The following WDFY4 variants were observed in gnomAD, a reference collection of about 807,000 sequenced individuals.
The protein encoded by WDFY4 is WDFY family member 4, also known as WD repeat- and FYVE domain-containing protein 4.
Under a neutral mutation model 351.9 loss-of-function variants are expected in WDFY4, and 169 were observed. The ratio of observed to expected loss-of-function variants is 0.48; its 90% confidence interval spans 0.42 to 0.55. The LOEUF (loss-of-function observed/expected upper bound fraction) is 0.55, where lower values mean the gene tolerates loss of function less well. Ranked by LOEUF, WDFY4 falls within the 20% of genes least tolerant of loss-of-function variation. The pLI is 0.00. For synonymous variants in WDFY4, 1,622 were observed against 1,574.6 expected, an observed-to-expected ratio of 1.03 and a Z score of -0.71; for missense variants, 3,803 against 3,935.6, an observed-to-expected ratio of 0.97 and a Z score of 0.90.
rs1175509669 is a variant in WDFY4 at position 48,966,686 on chromosome 10, C to T, written c.8584+13C>T. On this transcript the variant is annotated intron_variant, in intron 55 of 61. Coordinates refer to ENST00000325239, the MANE Select transcript of WDFY4 (RefSeq NM_001394531.1). Reference sequence around the variant, plus strand: ...GTCACGGTCAAAGGTGATTCCCTGGCCATGCATTGTTTGGTGTCCTGTCCC... The same window carrying T: ...GTCACGGTCAAAGGTGATTCCCTGGTCATGCATTGTTTGGTGTCCTGTCCC... 2 of 1,550,056 alleles carry T rather than the reference C, an allele frequency of 1.3e-6. No homozygotes were observed. The highest frequency in any genetic ancestry group is 2.4e-5 in the East Asian group (1 of 40,886).
At chr10:48,921,567 G>T (rs1392742153) in intron 47 of WDFY4, among the ~76,000 whole-genome samples, 2 of 150,798 alleles carry the variant, frequency 1.3e-5, no homozygotes, top group Admixed American at 1.3e-4. Context: ...ATTTACAAAA[G>T]ATAGTATTAA....
At chr10:48,809,345 A>T (rs1461511173) in intron 28 of WDFY4, among the ~76,000 whole-genome samples, 1 of 148,812 alleles carries the variant, frequency 6.7e-6, no homozygotes, top group Admixed American at 6.6e-5. Flanking sequence ...CACCATCACC[A>T]TCATCACCAC....
At chr10:48,707,556 T>C (rs2063663591) in intron 1 of WDFY4, among the ~76,000 whole-genome samples, 1 of 149,586 alleles carries the variant, frequency 6.7e-6, no homozygotes, top group Non-Finnish European at 1.5e-5. Context: ...AATAGGCATG[T>C]GATGCCCACT....
At chr10:48,833,793 T>C (rs2068281563) in intron 39 of WDFY4, among the ~76,000 whole-genome samples, 1 of 152,116 alleles carries the variant, frequency 6.6e-6, no homozygotes, top group Non-Finnish European at 1.5e-5. Flanking sequence ...GTGGGATAAA[T>C]AACTGTGAGA....
chr10:48,764,862 G>A (rs1361893119), intron 13 of WDFY4, among the ~76,000 whole-genome samples: 1 of 152,238 alleles, frequency 6.6e-6, no homozygotes, highest in African/African-American at 2.4e-5. Flanking sequence ...ACAACATCCT[G>A]ATGGCTATAA....
chr10:48,780,390 A>C (rs1310689982), intron 19 of WDFY4, among the ~76,000 whole-genome samples: 3 of 152,262 alleles, frequency 2.0e-5, no homozygotes, highest in African/African-American at 7.2e-5. Flanking sequence ...AGTCATGTTC[A>C]TGAAAATAGA....
chr10:48,799,812 A>G (rs2067000350), intron 24 of WDFY4, among the ~76,000 whole-genome samples: 1 of 152,214 alleles, frequency 6.6e-6, no homozygotes, highest in Non-Finnish European at 1.5e-5. Context: ...GTGTGGGGAG[A>G]CTGAAAGTGG....
chr10:48,946,745 A>T, intron 50 of WDFY4, 115 bp from the exon 51 acceptor site: 1 of 777,216 alleles, frequency 1.3e-6, no homozygotes, highest in Non-Finnish European at 2.1e-6. Context: ...TTCACTTCCT[A>T]AACGTCAATG....
chr10:48,858,809 G>T (rs1399084686), intron 39 of WDFY4, among the ~76,000 whole-genome samples: 1 of 152,148 alleles, frequency 6.6e-6, no homozygotes, highest in East Asian at 1.9e-4. Context: ...TGACATATTT[G>T]TAGGTTGAGT....
chr10:48,870,830 A>G (rs1319292810), intron 40 of WDFY4, among the ~76,000 whole-genome samples: 1 of 152,086 alleles, frequency 6.6e-6, no homozygotes, highest in Non-Finnish European at 1.5e-5. Flanking sequence ...CAGGGATCAC[A>G]CCATTGTCTG....
Position 48,821,047 on chromosome 10 carries a change from G to A in WDFY4, c.5710-15G>A, listed in dbSNP as rs554522849. 1.6e-4 allele frequency: 246 copies of A among 1,545,030 alleles called. 5 individuals carry two copies. In the South Asian group the frequency reaches 2.8e-3, roughly 18 times the overall value. ...GCCCTGTGGTTGCTGTCTCAGTCCC[G>A]GGCTGTGCTTCCAGGCTTCTCCAGA... On this transcript the variant is annotated splice_polypyrimidine_tract_variant and intron_variant, in intron 33 of 61. Transcript: ENST00000325239.
intron 19 of WDFY4, among the ~76,000 whole-genome samples, chr10:48,781,645 A>G (rs2066229703): frequency 6.6e-6 from 1 of 152,186 alleles, no homozygotes; most frequent in Admixed American, 6.5e-5. Flanking sequence ...CCTTCAAAAC[A>G]TAGTTAACCT....
At chr10:48,900,337 A>C (rs1280539819) in intron 46 of WDFY4, 31 bp downstream of exon 46, 2 of 1,528,804 alleles carry the variant, frequency 1.3e-6, no homozygotes, top group South Asian at 2.4e-5. Context: ...CTTCTGAGGA[A>C]ACTGATCCTG....
intron 19 of WDFY4, among the ~76,000 whole-genome samples, chr10:48,784,536 T>TTTTTTC (rs2066334125): frequency 8.1e-5 from 9 of 110,812 alleles, no homozygotes; most frequent in Non-Finnish European, 1.4e-4. Context: ...TTTGCTTTTT[T>TTTTTTC]TTTTTTTTTT....
chr10:48,763,518 A>G (rs1208930553), intron 13 of WDFY4, among the ~76,000 whole-genome samples: 1 of 152,244 alleles, frequency 6.6e-6, no homozygotes, highest in Non-Finnish European at 1.5e-5. Context: ...TTGCTGATGG[A>G]TGTATTCTGC....
chr10:48,934,772 C>T (rs1273320511), intron 47 of WDFY4, among the ~76,000 whole-genome samples: 4 of 152,130 alleles, frequency 2.6e-5, no homozygotes, highest in African/African-American at 4.8e-5. Flanking sequence ...GGTGACTGGT[C>T]GGGTGAAAGC....
chr10:48,972,159 A>G (rs1290625963), intron 57 of WDFY4, among the ~76,000 whole-genome samples: 1 of 152,230 alleles, frequency 6.6e-6, no homozygotes, highest in African/African-American at 2.4e-5. Context: ...AAAACACTTT[A>G]TCACTTACCT....
intron 20 of WDFY4, among the ~76,000 whole-genome samples, chr10:48,787,183 T>G (rs2066431789): frequency 6.6e-6 from 1 of 152,266 alleles, no homozygotes; most frequent in South Asian, 2.1e-4. Context: ...GCTTTTTAAC[T>G]AAAGTATACT....
chr10:48,896,708 T>C (rs1022951340), intron 44 of WDFY4, among the ~76,000 whole-genome samples: 3 of 152,156 alleles, frequency 2.0e-5, no homozygotes, highest in Non-Finnish European at 4.4e-5. Flanking sequence ...CTGGTTTGCA[T>C]TCAGTCTCAC....
Sources: gnomAD v4.1 joint callset for allele counts (sites outside exome capture counted in the v4.1 genomes callset) on GRCh38, gnomAD v4.1.1 for gene constraint, MANE v1.5 for transcripts, NCBI Gene and HGNC (gene_info 2026-07-23, HGNC 2026-07-21) for gene names.